YBX3: variants seen among roughly 807,000 people sequenced by gnomAD.
YBX3 encodes Y-box-binding protein 3.
YBX3 carries 29 observed loss-of-function variants against 42.4 expected under a neutral mutation model. The observed-to-expected ratio is 0.68, with a 90% CI of 0.51 to 0.93. The LOEUF is 0.93. YBX3 is among the 40% of genes least tolerant of loss of function. The pLI, the probability that YBX3 is intolerant of heterozygous loss-of-function variation, is 0.00. For missense variants in YBX3, 517 were observed against 527.5 expected (o/e 0.98, Z 0.19); for synonymous variants, 195 against 189.8 (o/e 1.03, Z -0.22).
intron 7 of YBX3, 70 bp from the exon 8 acceptor site, chr12:10,702,204 A>C: frequency 6.9e-7 from 1 of 1,458,984 alleles, no homozygotes; most frequent in Non-Finnish European, 9.2e-7. Context: ...ATAAGGTTTT[A>C]TTTATTTTTA....
At chr12:10,720,843 T>A (rs1194896815) in intron 1 of YBX3, 2 of 152,238 alleles carry the variant, frequency 1.3e-5, no homozygotes, top group Non-Finnish European at 2.9e-5. Context: ...TAAAAAAGTT[T>A]CGTAATTCCG....
At chr12:10,709,179 GA>G (rs1450250106) in intron 6 of YBX3, among the ~76,000 whole-genome samples, 3 of 152,050 alleles carry the variant, frequency 2.0e-5, no homozygotes, top group Non-Finnish European at 4.4e-5. Flanking sequence ...GGAAAAAAAA[GA>G]AACCCCAACG....
In YBX3 at chr12:10,715,735, C is replaced by T; in HGVS notation, c.409G>A (p.Asp137Asn). 6.2e-7 allele frequency: 1 copy of T among 1,614,128 alleles called. No homozygotes were observed. Among genetic ancestry groups the T allele is most frequent in the Non-Finnish European group, 8.5e-7 (1 of 1,180,004 alleles). The change falls in exon 4 of 10, where the codon GAT (aspartate) becomes AAT (asparagine). Residue 137 changes from aspartate to asparagine, a missense_variant. Transcript: ENST00000228251. ...ACATCAAACTCTACAGTTTCTCCAT[C>T]TCCTACACTGCGCAGATATTTCCGT... ...NPRKYLRSVG[D>N]GETVEFDVVE...
chr12:10,719,000 T>C (rs1948294567), intron 2 of YBX3, 80 bp downstream of exon 2: 2 of 1,346,128 alleles, frequency 1.5e-6, no homozygotes, highest in East Asian at 2.3e-5. Context: ...AAGCCATTAA[T>C]GAAGGCTAAG....
intron 6 of YBX3, 29 bp from the exon 7 acceptor site, chr12:10,704,177 G>A (rs769736570): frequency 1.3e-6 from 2 of 1,588,346 alleles, no homozygotes; most frequent in South Asian, 2.2e-5. Context: ...CTGACAGTGA[G>A]TGTCACAGCA....
chr12:10,718,104 T>C lies in YBX3; in HGVS notation c.344A>G (p.Asp115Gly). The C allele has an allele frequency of 6.2e-7, 1 of 1,612,250 alleles. No homozygotes were observed. Among genetic ancestry groups the C allele is most frequent in the Non-Finnish European group, 8.5e-7 (1 of 1,179,150 alleles). ...GFINRNDTKE[D>G]VFVHQTAIKK... ...CCCTCTTACCTGATGTACAAATACA[T>C]CTTCTTTGGTGTCATTTCTGTTGAA... The change falls in exon 3 of 10, where the codon GAT becomes GGT. Residue 115 changes from aspartate (D) to glycine (G), a missense_variant. Asp to Gly is a moderately conservative substitution (Grantham distance 94, BLOSUM62 -1). Around this residue, in one of 3 missense-constraint regions of YBX3, gnomAD observed 420 missense variants for 408.5 expected, o/e 1.03. Transcript: ENST00000228251.
At position 10,699,134 on chromosome 12, in the gene YBX3, A is replaced by G. The variant is rs756880530; in HGVS notation, c.*555T>C. On this transcript the variant is annotated 3_prime_UTR_variant, in exon 10 of 10. Coordinates refer to ENST00000228251, the MANE Select transcript of YBX3 (RefSeq NM_003651.5). Reference sequence around the variant, plus strand: ...TTATTTTTGAGGAATTTCTTACTGCACATTTTCAAAGAGAGTCACATAAGA... The same window carrying G: ...TTATTTTTGAGGAATTTCTTACTGCGCATTTTCAAAGAGAGTCACATAAGA... 20 of 152,736 alleles carry G rather than the reference A, an allele frequency of 1.3e-4. No homozygotes were observed. The highest frequency in any genetic ancestry group is 3.3e-4 in the Admixed American group (5 of 15,304). The allele number at this position is 152,736 out of a possible 1,614,324, so 9.5% of individuals were successfully genotyped here.
At chr12:10,721,562 G>T (rs1425688120) in intron 1 of YBX3, among the ~76,000 whole-genome samples, 1 of 152,084 alleles carries the variant, frequency 6.6e-6, no homozygotes, top group African/African-American at 2.4e-5. Flanking sequence ...AGCAAAATCA[G>T]GCCTATTTTG....
intron 5 of YBX3, 67 bp from the exon 6 acceptor site, chr12:10,710,181 T>C: frequency 1.3e-6 from 2 of 1,559,284 alleles, no homozygotes; most frequent in Middle Eastern, 1.7e-4. Flanking sequence ...GAACACCATT[T>C]AGGATGAATA....
chr12:10,710,820 C>A, intron 5 of YBX3: 1 of 180,642 alleles, frequency 5.5e-6, no homozygotes, highest in South Asian at 9.1e-5. Context: ...CCACTCTTTT[C>A]AATTTAAATA....
At chr12:10,707,856 A>C (rs1462108144) in intron 6 of YBX3, among the ~76,000 whole-genome samples, 1 of 152,202 alleles carries the variant, frequency 6.6e-6, no homozygotes, top group Non-Finnish European at 1.5e-5. Flanking sequence ...GTTGAGTCAC[A>C]AAAAAAGACT....
At chr12:10,710,783 A>AGCT in intron 5 of YBX3, 1 of 355,450 alleles carries the variant, frequency 2.8e-6, no homozygotes, top group South Asian at 2.2e-5. Flanking sequence ...ACCATACATC[A>AGCT]GAGATCTGCA....
rs774912436 is a variant in YBX3, at chr12:10,701,990, A to G, written c.1023T>C (p.Pro341=). 2 of 1,613,740 alleles carry G rather than the reference A, an allele frequency of 1.2e-6. No homozygotes were observed. The highest frequency in any genetic ancestry group is 8.5e-7 in the Non-Finnish European group (1 of 1,179,884). The change falls in exon 8 of 10, where the codon CCT becomes CCC. Residue 341 remains proline (P), a synonymous_variant. Transcript: ENST00000228251. ...TGCCATCTTGTGAAGGAGCGTTAGG[A>G]GGACGCGGGCGACGCCGGTAATTGT... The part of the protein sequence containing the change: ...RPYNYRRRPR[P]PNAPSQDGKE...
Position 10,706,670 on chromosome 12 carries a change from C to T in YBX3, c.781-2522G>A, listed in dbSNP as rs374647814. 1.1e-4 allele frequency among the ~76,000 whole-genome samples: 16 copies of T among 152,300 alleles called. No homozygotes were observed. The East Asian group carries it at 1.7e-3, about 17-fold the overall frequency. ...TCCTAGGACCCTATTTCCACCTACA[C>T]TCACTTTATAGTTAATATCATCCTG... On this transcript the variant is annotated intron_variant, in intron 6 of 9. Transcript: ENST00000228251.
chr12:10,708,584 T>C (rs923934478), intron 6 of YBX3, among the ~76,000 whole-genome samples: 2 of 152,174 alleles, frequency 1.3e-5, no homozygotes, highest in Non-Finnish European at 2.9e-5. Flanking sequence ...AAAAATATGG[T>C]TTAAAGGATC....
chr12:10,706,531 T>C (rs1411905390), intron 6 of YBX3, among the ~76,000 whole-genome samples: 2 of 152,234 alleles, frequency 1.3e-5, no homozygotes, highest in Non-Finnish European at 2.9e-5. Context: ...TCAACAAGCA[T>C]TTAACACATT....
intron 9 of YBX3, 125 bp downstream of exon 9, chr12:10,701,129 A>G (rs975749618): frequency 2.0e-5 from 12 of 612,436 alleles, no homozygotes; most frequent in African/African-American, 9.3e-5. Context: ...CAGAGTCCCA[A>G]TAGAGACAAG....
intron 3 of YBX3, among the ~76,000 whole-genome samples, chr12:10,716,337 G>A (rs887931889): frequency 5.3e-5 from 8 of 152,262 alleles, no homozygotes; most frequent in African/African-American, 1.4e-4. Flanking sequence ...AGTCACAACC[G>A]TAACAGCCCC....
intron 1 of YBX3, among the ~76,000 whole-genome samples, chr12:10,720,062 T>G (rs1310180314): frequency 6.6e-6 from 1 of 152,032 alleles, no homozygotes; most frequent in Admixed American, 6.5e-5. Context: ...ATTCAGGAAG[T>G]GCAAAAAGCA....
Sources: allele counts gnomAD v4.1 joint callset (sites outside exome capture counted in the v4.1 genomes callset), GRCh38; gene constraint gnomAD v4.1.1; regional missense constraint gnomAD v4.1.1; transcripts MANE v1.5; gene names NCBI Gene and HGNC (gene_info 2026-07-23, HGNC 2026-07-21).